Variants in ALDH1L2 observed in about 807,000 individuals in gnomAD.
ALDH1L2 encodes mitochondrial 10-formyltetrahydrofolate dehydrogenase.
ALDH1L2 carries 91 observed loss-of-function variants against 111.0 expected under a neutral mutation model. The observed-to-expected ratio is 0.82, with a 90% confidence interval of 0.69 to 0.98. The LOEUF is 0.98. Ranked by LOEUF, ALDH1L2 falls within the 50% of genes least tolerant of loss-of-function variation. The probability of loss-of-function intolerance (pLI) is 0.00; values close to 1 mark genes in which losing one functional copy is unlikely to be tolerated. For synonymous variants in ALDH1L2, 374 were observed against 392.6 expected (o/e 0.95, Z 0.56); for missense variants, 995 against 1,126.8 (o/e 0.88, Z 1.67).
At chr12:105,030,459 A>G in intron 20 of ALDH1L2, 30 bp from the exon 21 acceptor site, 1 of 1,578,076 alleles carries the variant, frequency 6.3e-7, no homozygotes, top group Non-Finnish European at 8.7e-7. Flanking sequence ...AAAAAATGTC[A>G]ACTGTAGGTT....
chr12:105,083,965 A>T (rs1878456819), intron 1 of ALDH1L2, among the ~76,000 whole-genome samples: 1 of 151,962 alleles, frequency 6.6e-6, no homozygotes, highest in Non-Finnish European at 1.5e-5. Context: ...CGAGGACCCT[A>T]TTGACTTGAT....
Position 105,023,270 on chromosome 12 carries a change from A to C in ALDH1L2, c.*1154T>G, listed in dbSNP as rs983268691. 1 of 152,222 alleles carries C rather than the reference A, an allele frequency of 6.6e-6. No homozygotes were observed. Among genetic ancestry groups the C allele is most frequent in the African/African-American group, 2.4e-5 (1 of 41,448 alleles). The allele number at this position is 152,222 out of a possible 1,614,324, so 9.4% of individuals were successfully genotyped here. ...CCAGTGAACAGCAGAACCAATAGGTAGAAAAATGGAAAGTAAGATGTCCCA... is the reference window on the plus strand; with the variant it reads ...CCAGTGAACAGCAGAACCAATAGGTCGAAAAATGGAAAGTAAGATGTCCCA... On this transcript the variant is annotated 3_prime_UTR_variant, in exon 23 of 23. Coordinates refer to ENST00000258494, the MANE Select transcript of ALDH1L2 (RefSeq NM_001034173.4).
At chr12:105,032,042 G>T in intron 19 of ALDH1L2, 108 bp from the exon 20 acceptor site, 3 of 1,148,150 alleles carry the variant, frequency 2.6e-6, no homozygotes, top group Non-Finnish European at 2.4e-6. Flanking sequence ...TTGTCATTTA[G>T]TCTTTACAAT....
At chr12:105,056,962 A>G (rs1483803848) in intron 10 of ALDH1L2, among the ~76,000 whole-genome samples, 2 of 151,642 alleles carry the variant, frequency 1.3e-5, no homozygotes. Flanking sequence ...AGGACACTCA[A>G]AGTTTTCAGC....
intron 6 of ALDH1L2, among the ~76,000 whole-genome samples, 169 bp downstream of exon 6, chr12:105,065,098 T>G (rs893122716): frequency 1.3e-5 from 2 of 152,162 alleles, no homozygotes; most frequent in African/African-American, 4.8e-5. Context: ...CTGGATTTAG[T>G]GTCTGCTGCA....
intron 15 of ALDH1L2, among the ~76,000 whole-genome samples, chr12:105,042,686 C>G (rs1875613347): frequency 6.6e-6 from 1 of 152,212 alleles, no homozygotes; most frequent in South Asian, 2.1e-4. Context: ...CTCCCACCCT[C>G]CTTTCCACCC....
intron 1 of ALDH1L2, among the ~76,000 whole-genome samples, chr12:105,083,534 T>C (rs1237940832): frequency 6.6e-6 from 1 of 152,236 alleles, no homozygotes; most frequent in Non-Finnish European, 1.5e-5. Context: ...TATGTACATA[T>C]GGCTTTGGCA....
At chr12:105,024,560 G>C in intron 22 of ALDH1L2, 81 bp from the exon 23 acceptor site, 2 of 1,382,602 alleles carry the variant, frequency 1.4e-6, no homozygotes, top group Admixed American at 3.4e-5. Flanking sequence ...ATAGGTATAC[G>C]TAGGTGTCCA....
At position 105,021,724 on chromosome 12, in the gene ALDH1L2, C is replaced by T. The variant is rs1229144681; in HGVS notation, c.*2700G>A. On this transcript the variant is annotated 3_prime_UTR_variant, in exon 23 of 23. Coordinates refer to ENST00000258494, the MANE Select transcript of ALDH1L2 (RefSeq NM_001034173.4). The stretch of plus-strand genomic sequence containing the variant: ...CCTAAGGTCTTTCATACAGGAGGCC[C>T]TTAATAAATGGTAGCTGTCATATCG... The T allele has an allele frequency of 6.6e-6, 1 of 152,090 alleles. No homozygotes were observed. Among genetic ancestry groups the T allele is most frequent in the African/African-American group, 2.4e-5 (1 of 41,400 alleles). The allele number at this position is 152,090 out of a possible 1,614,324, so 9.4% of individuals were successfully genotyped here. A position where few individuals can be genotyped will look rare whatever the true frequency, so the allele number is the denominator to read the frequency against.
intron 15 of ALDH1L2, among the ~76,000 whole-genome samples, chr12:105,042,749 T>TG (rs1332005727): frequency 1.3e-5 from 2 of 152,248 alleles, no homozygotes; most frequent in Non-Finnish European, 2.9e-5. Context: ...TTATCTTTCC[T>TG]GTTTCCTTTT....
In ALDH1L2 at chr12:105,040,641, A is replaced by G; in HGVS notation, c.1917T>C (p.Phe639=). Residue 639 remains phenylalanine (F), a synonymous_variant, in exon 16 of 23, where the codon TTT becomes TTC. Coordinates refer to ENST00000258494, the MANE Select transcript of ALDH1L2 (RefSeq NM_001034173.4). ...GAATGATGTTGATGACCCCCTTTGG[A>G]AAGCCTGCTTTCACAGACAGTTCTG... ...KFAELSVKAG[F]PKGVINIIPG... is the part of the protein sequence containing the mutation. 1 of 1,614,150 alleles carries G rather than the reference A, an allele frequency of 6.2e-7. No individual in the cohort carries two copies. The highest frequency in any genetic ancestry group is 2.2e-5 in the East Asian group (1 of 44,880).
At chr12:105,077,739 TAAAAAAAAAA>T (rs543463878) in intron 1 of ALDH1L2, among the ~76,000 whole-genome samples, 118 of 115,456 alleles carry the variant, frequency 1.0e-3, no homozygotes, top group Non-Finnish European at 1.6e-3. Flanking sequence ...CTCCAAGAAT[TAAAAAAAAAA>T]AAAAAAAAAG....
At chr12:105,024,603 A>C in intron 22 of ALDH1L2, 124 bp from the exon 23 acceptor site, 1 of 903,140 alleles carries the variant, frequency 1.1e-6, no homozygotes, top group East Asian at 2.5e-5. Flanking sequence ...GGCCTAAGCC[A>C]GTGCTTCTCA....
intron 15 of ALDH1L2, among the ~76,000 whole-genome samples, chr12:105,041,942 G>C (rs963654552): frequency 2.6e-5 from 4 of 152,124 alleles, no homozygotes; most frequent in African/African-American, 9.7e-5. Flanking sequence ...CCCTACTCCA[G>C]CTACTTCTCC....
intron 4 of ALDH1L2, among the ~76,000 whole-genome samples, chr12:105,067,838 G>A (rs537205437): frequency 3.3e-4 from 51 of 152,292 alleles, no homozygotes; most frequent in African/African-American, 1.2e-3. Flanking sequence ...CACACAAAAT[G>A]CTATGTTGAT....
At chr12:105,068,073 T>C (rs1304951547) in intron 4 of ALDH1L2, among the ~76,000 whole-genome samples, 1 of 152,180 alleles carries the variant, frequency 6.6e-6, no homozygotes, top group African/African-American at 2.4e-5. Flanking sequence ...CCCTACTCTC[T>C]TAATCATTGA....
chr12:105,038,226 G>A (rs1482743917), intron 17 of ALDH1L2, 24 bp from the exon 18 acceptor site: 1 of 1,540,230 alleles, frequency 6.5e-7, no homozygotes, highest in African/African-American at 1.4e-5. Context: ...AATGAGAAAT[G>A]AGCATTTAGT....
intron 6 of ALDH1L2, among the ~76,000 whole-genome samples, chr12:105,063,520 G>A (rs1877141440): frequency 6.6e-6 from 1 of 152,064 alleles, no homozygotes; most frequent in Admixed American, 6.6e-5. Context: ...CACAAGGCAA[G>A]AAATAGTCTG....
In ALDH1L2 at chr12:105,031,925, T is replaced by TTTC; in HGVS notation, c.2251_2253dup (p.Glu751dup). 6.2e-7 allele frequency: 1 copy of TTTC among 1,614,086 alleles called. No homozygotes were observed. The highest frequency in any genetic ancestry group is 8.5e-7 in the Non-Finnish European group (1 of 1,180,014). ...GGATCACCAATTTTCATCTTTTTAA[T>TTTC]TTCTTCTACCTGTATGTTACCCAGT... is the stretch of plus-strand genomic sequence containing the variant. On this transcript the variant is annotated inframe_insertion, in exon 20 of 23. Transcript: ENST00000258494.
Sources: gnomAD v4.1 joint callset for allele counts (sites outside exome capture counted in the v4.1 genomes callset) on GRCh38, gnomAD v4.1.1 for gene constraint, MANE v1.5 for transcripts, NCBI Gene and HGNC (gene_info 2026-07-23, HGNC 2026-07-21) for gene names.